Variants in SLIT2 observed in about 807,000 individuals in gnomAD.
SLIT2 encodes slit homolog 2 protein.
Under a neutral mutation model 185.7 loss-of-function variants are expected in SLIT2, and 41 were observed. That is an observed-to-expected ratio of 0.22 (90% CI 0.17 to 0.29). The LOEUF (loss-of-function observed/expected upper bound fraction) is 0.29, where lower values mean the gene tolerates loss of function less well. Among genes scored for constraint, SLIT2 ranks in the 10% least tolerant of loss-of-function variants. The probability of loss-of-function intolerance (pLI) is 1.00; values close to 1 mark genes in which losing one functional copy is unlikely to be tolerated. For missense variants in SLIT2, 1,571 were observed against 1,909.0 expected (o/e 0.82, Z 3.30); for synonymous variants, 693 against 680.2 (o/e 1.02, Z -0.29).
At chr4:20,477,191 C>G (rs1431908644) in intron 5 of SLIT2, among the ~76,000 whole-genome samples, 1 of 146,406 alleles carries the variant, frequency 6.8e-6, no homozygotes, top group Non-Finnish European at 1.5e-5. Flanking sequence ...ACCGAGAGAT[C>G]ATGATTTTTT....
At chr4:20,510,964 G>C in intron 10 of SLIT2, 102 bp from the exon 11 acceptor site, 1 of 692,380 alleles carries the variant, frequency 1.4e-6, no homozygotes, top group Non-Finnish European at 2.6e-6. Context: ...GACATGTCTT[G>C]ATAAGTACAA....
intron 4 of SLIT2, among the ~76,000 whole-genome samples, chr4:20,352,098 C>G (rs1297327593): frequency 6.6e-6 from 1 of 152,112 alleles, no homozygotes. Context: ...TGCTGTATGT[C>G]TCTATGTATG....
intron 4 of SLIT2, among the ~76,000 whole-genome samples, chr4:20,368,895 C>T (rs1212226348): frequency 3.3e-5 from 5 of 152,070 alleles, no homozygotes; most frequent in Non-Finnish European, 7.4e-5. Flanking sequence ...TTACATATCA[C>T]ACTCAGACAT....
chr4:20,437,209 G>A lies in SLIT2; in HGVS notation c.396-30543G>A, dbSNP rs190207576. Among the ~76,000 whole-genome samples, 89 of 152,238 alleles carry A rather than the reference G, an allele frequency of 5.8e-4. 1 individual carries two copies. The highest frequency in any genetic ancestry group is 5.4e-3 in the South Asian group (26 of 4,786). The stretch of plus-strand genomic sequence containing the variant: ...TCTCCATTTGGATGTCTGCTCGGCA[G>A]AATCTCCATCTTAACATGTGCAAAA... On this transcript the variant is annotated intron_variant, in intron 4 of 36. Coordinates refer to ENST00000504154, the MANE Select transcript of SLIT2 (RefSeq NM_004787.4).
intron 16 of SLIT2, among the ~76,000 whole-genome samples, chr4:20,529,611 C>T (rs146137800): frequency 6.6e-6 from 1 of 152,120 alleles, no homozygotes; most frequent in Non-Finnish European, 1.5e-5. Flanking sequence ...CTGAACAATG[C>T]AAGAAAAGCT....
intron 9 of SLIT2, among the ~76,000 whole-genome samples, chr4:20,496,033 T>A (rs1360147992): frequency 2.6e-5 from 4 of 152,160 alleles, no homozygotes; most frequent in African/African-American, 9.7e-5. Context: ...AATTGTTGGT[T>A]GAGTTTCTTT....
chr4:20,386,045 A>G (rs1724912509), intron 4 of SLIT2, among the ~76,000 whole-genome samples: 1 of 152,182 alleles, frequency 6.6e-6, no homozygotes. Context: ...AAAATAAGCA[A>G]AATACACTTT....
At chr4:20,419,255 A>G (rs1727963921) in intron 4 of SLIT2, among the ~76,000 whole-genome samples, 1 of 152,184 alleles carries the variant, frequency 6.6e-6, no homozygotes, top group South Asian at 2.1e-4. Flanking sequence ...TCCTTTGTAT[A>G]TGTGTGATTT....
At chr4:20,414,612 T>C (rs1727514619) in intron 4 of SLIT2, among the ~76,000 whole-genome samples, 1 of 152,198 alleles carries the variant, frequency 6.6e-6, no homozygotes, top group African/African-American at 2.4e-5. Flanking sequence ...CTCAATGTTT[T>C]GGAGGATAGT....
chr4:20,471,887 T>C (rs1251406073), intron 5 of SLIT2, among the ~76,000 whole-genome samples: 1 of 152,116 alleles, frequency 6.6e-6, no homozygotes, highest in African/African-American at 2.4e-5. Context: ...CATAACTTTT[T>C]TGCTTCTCTC....
At chr4:20,565,309 G>A (rs1870261) in intron 26 of SLIT2, among the ~76,000 whole-genome samples, 58,653 of 151,736 alleles carry the variant, frequency 0.39, 12,228 homozygotes, top group African/African-American at 0.54. Flanking sequence ...GCTGGCATAC[G>A]TTCTTCACCG....
intron 26 of SLIT2, among the ~76,000 whole-genome samples, chr4:20,563,830 T>C (rs1270798940): frequency 1.3e-5 from 2 of 151,806 alleles, no homozygotes; most frequent in Admixed American, 1.3e-4. Context: ...TGCCGTAATT[T>C]TGTATTTGAT....
chr4:20,476,478 C>A (rs79976883), intron 5 of SLIT2, among the ~76,000 whole-genome samples: 2 of 151,786 alleles, frequency 1.3e-5, no homozygotes, highest in Non-Finnish European at 1.5e-5. Context: ...TTAAATGAAA[C>A]AAAACAATAC....
At chr4:20,604,043 T>C (rs1269442807) in intron 33 of SLIT2, among the ~76,000 whole-genome samples, 5 of 152,200 alleles carry the variant, frequency 3.3e-5, no homozygotes, top group African/African-American at 7.2e-5. Context: ...TCATGTTTGG[T>C]TATGAGAATT....
At chr4:20,430,058 T>C (rs2109496371) in intron 4 of SLIT2, among the ~76,000 whole-genome samples, 1 of 152,310 alleles carries the variant, frequency 6.6e-6, no homozygotes, top group East Asian at 1.9e-4. Flanking sequence ...GTATAGAACA[T>C]AAGATGTTGG....
intron 7 of SLIT2, among the ~76,000 whole-genome samples, 163 bp downstream of exon 7, chr4:20,486,434 A>G (rs942964426): frequency 6.6e-6 from 1 of 152,162 alleles, no homozygotes; most frequent in South Asian, 2.1e-4. Context: ...ATGAGCTATT[A>G]TTCTAGAAAC....
At chr4:20,322,618 A>C (rs982917401) in intron 4 of SLIT2, among the ~76,000 whole-genome samples, 1 of 152,016 alleles carries the variant, frequency 6.6e-6, no homozygotes, top group Non-Finnish European at 1.5e-5. Flanking sequence ...ATCTCTTCTG[A>C]AGTGAAATCC....
At chr4:20,511,599 T>TTTTTTTTTTTTTTTTTTTA (rs1370895657) in intron 11 of SLIT2, among the ~76,000 whole-genome samples, 3 of 142,160 alleles carry the variant, frequency 2.1e-5, no homozygotes, top group Admixed American at 7.1e-5. Context: ...TTTTTTTTTT[T>TTTTTTTTTTTTTTTTTTTA]TTTTATTTTT....
chr4:20,377,589 A>AACTT (rs1476657151), intron 4 of SLIT2, among the ~76,000 whole-genome samples: 1 of 152,136 alleles, frequency 6.6e-6, no homozygotes, highest in Non-Finnish European at 1.5e-5. Flanking sequence ...TCCCATCATA[A>AACTT]ACTTACTCAG....
Sources: gnomAD v4.1 joint callset for allele counts (sites outside exome capture counted in the v4.1 genomes callset) on GRCh38, gnomAD v4.1.1 for gene constraint, MANE v1.5 for transcripts, NCBI Gene and HGNC (gene_info 2026-07-23, HGNC 2026-07-21) for gene names.